The following STK24 variants were observed in gnomAD, a reference collection of about 807,000 sequenced individuals.
The protein encoded by STK24 is serine/threonine kinase 24.
A neutral mutation model predicts 55.6 loss-of-function variants in STK24; 21 were observed. The observed-to-expected ratio is 0.38, with a 90% confidence interval of 0.27 to 0.54. STK24 has a LOEUF of 0.54. STK24 is among the 20% of genes least tolerant of loss of function. The pLI is 0.79. For synonymous variants in STK24, 200 were observed against 215.2 expected, an observed-to-expected ratio of 0.93 and a Z score of 0.62; for missense variants, 383 against 538.4, an observed-to-expected ratio of 0.71 and a Z score of 2.86.
intron 2 of STK24, among the ~76,000 whole-genome samples, chr13:98,509,914 G>A (rs1248649175): frequency 3.3e-5 from 5 of 152,268 alleles, no homozygotes; most frequent in African/African-American, 4.8e-5. Flanking sequence ...ACTGCCTCCT[G>A]CCCAGGATAT....
intron 1 of STK24, chr13:98,576,079 G>A (rs911338937): frequency 3.0e-6 from 3 of 984,702 alleles, no homozygotes; most frequent in African/African-American, 3.5e-5. Context: ...GGCCGGGCCC[G>A]GGACCCTGGT....
At chr13:98,465,610 C>T (rs534027306) in intron 6 of STK24, among the ~76,000 whole-genome samples, 1 of 152,336 alleles carries the variant, frequency 6.6e-6, no homozygotes, top group South Asian at 2.1e-4. Context: ...TGTTGCATTA[C>T]CCATTTAATT....
chr13:98,462,771 C>CG (rs1566346738), intron 7 of STK24, among the ~76,000 whole-genome samples: 1 of 152,192 alleles, frequency 6.6e-6, no homozygotes, highest in African/African-American at 2.4e-5. Flanking sequence ...GACTCACACA[C>CG]GGTTCACCCC....
intron 3 of STK24, among the ~76,000 whole-genome samples, chr13:98,480,339 T>A (rs1318220543): frequency 6.6e-6 from 1 of 152,198 alleles, no homozygotes; most frequent in Non-Finnish European, 1.5e-5. Context: ...GGAAAAAGAA[T>A]CCCTGTAAAC....
intron 1 of STK24, among the ~76,000 whole-genome samples, chr13:98,534,126 G>T (rs1213864535): frequency 2.0e-5 from 3 of 152,180 alleles, no homozygotes; most frequent in Non-Finnish European, 4.4e-5. Flanking sequence ...AAGGCCCATG[G>T]TCACAAAGCT....
At chr13:98,502,076 C>T (rs377671492) in intron 2 of STK24, among the ~76,000 whole-genome samples, 15 of 152,302 alleles carry the variant, frequency 9.8e-5, no homozygotes, top group African/African-American at 3.6e-4. Flanking sequence ...CTTACTCTGC[C>T]CCAACCCTGG....
rs930824997 is a variant in STK24, at chr13:98,449,235, G to A, written c.*3938C>T. 4 of 152,206 alleles carry A rather than the reference G, an allele frequency of 2.6e-5. No individual in the cohort carries two copies. Among genetic ancestry groups the A allele is most frequent in the African/African-American group, 7.2e-5 (3 of 41,420 alleles). 9.4% of individuals were successfully genotyped at this position (152,206 alleles called of 1,614,324 possible). ...TATGAAATCATGGTACGTAGTCCCC[G>A]GCACCTGTCGTTATTCCTATATCCT... On this transcript the variant is annotated 3_prime_UTR_variant, in exon 11 of 11. Coordinates refer to ENST00000539966, the MANE Select transcript of STK24 (RefSeq NM_001032296.4).
At chr13:98,568,805 G>T (rs535627632) in intron 1 of STK24, among the ~76,000 whole-genome samples, 18 of 152,276 alleles carry the variant, frequency 1.2e-4, no homozygotes, top group Admixed American at 2.6e-4. Context: ...GGGGGCAGAT[G>T]TTGCAGTGAA....
intron 10 of STK24, chr13:98,456,632 A>G: frequency 2.2e-6 from 1 of 457,016 alleles, no homozygotes; most frequent in South Asian, 1.6e-5. Context: ...TAGTGCATTC[A>G]ACAGGTGGGG....
chr13:98,512,702 G>A (rs1290867993), intron 2 of STK24, among the ~76,000 whole-genome samples: 1 of 139,826 alleles, frequency 7.2e-6, no homozygotes, highest in South Asian at 2.2e-4. Flanking sequence ...GTCATTATCA[G>A]TTTGCTACAA....
At chr13:98,553,049 C>G (rs1897194895) in intron 1 of STK24, among the ~76,000 whole-genome samples, 1 of 152,064 alleles carries the variant, frequency 6.6e-6, no homozygotes, top group Admixed American at 6.5e-5. Flanking sequence ...GGGGAGACCC[C>G]GTGGGTGTGG....
At chr13:98,486,207 A>T (rs1894801206) in intron 2 of STK24, among the ~76,000 whole-genome samples, 1 of 79,356 alleles carries the variant, frequency 1.3e-5, no homozygotes, top group Non-Finnish European at 3.3e-5. Context: ...AAAGTATTAA[A>T]AAAAAAAAAA....
chr13:98,502,840 T>C (rs1895527344), intron 2 of STK24, among the ~76,000 whole-genome samples: 2 of 152,050 alleles, frequency 1.3e-5, no homozygotes, highest in Admixed American at 1.3e-4. Context: ...ACACAAAATA[T>C]GCTACTAGAG....
Position 98,453,134 on chromosome 13 carries a change from G to A in STK24, c.*39C>T. On this transcript the variant is annotated 3_prime_UTR_variant, in exon 11 of 11. Coordinates refer to ENST00000539966, the MANE Select transcript of STK24 (RefSeq NM_001032296.4). ...TTAAAAAAGGAGGAGGATGAAGAAG[G>A]AAAAAAGGAAAAACAAAACCCCAAA... 1 of 1,610,454 alleles carries A rather than the reference G, an allele frequency of 6.2e-7. No homozygotes were observed. The highest frequency in any genetic ancestry group is 8.5e-7 in the Non-Finnish European group (1 of 1,177,806).
chr13:98,487,286 G>A (rs1176815046), intron 2 of STK24, among the ~76,000 whole-genome samples: 7 of 152,050 alleles, frequency 4.6e-5, no homozygotes, highest in Non-Finnish European at 7.4e-5. Context: ...AAACCAGCAG[G>A]CTTCTCAACA....
intron 1 of STK24, among the ~76,000 whole-genome samples, chr13:98,568,562 C>T (rs1211331919): frequency 6.6e-6 from 1 of 152,108 alleles, no homozygotes; most frequent in Non-Finnish European, 1.5e-5. Context: ...GCAGAGGCAG[C>T]ATACTTAAAA....
At chr13:98,551,074 C>G (rs1897148664) in intron 1 of STK24, among the ~76,000 whole-genome samples, 1 of 152,052 alleles carries the variant, frequency 6.6e-6, no homozygotes, top group Admixed American at 6.6e-5. Flanking sequence ...ATCACAAGGT[C>G]AGGAGATCGA....
In STK24 at chr13:98,446,163, G is replaced by C. The variant is rs141304303; in HGVS notation, c.*7010C>G. The C allele has an allele frequency of 1.1e-5, 18 of 1,614,006 alleles. No homozygotes were observed. The African/African-American group carries it at 2.3e-4, about 20-fold the overall frequency. Reference sequence around the variant, plus strand: ...GCAACGGGTGGCAGAAGCTGTGGGTGGTGTTCACAAACTTCTGCCTGTTCT... The same window carrying C: ...GCAACGGGTGGCAGAAGCTGTGGGTCGTGTTCACAAACTTCTGCCTGTTCT... On this transcript the variant is annotated 3_prime_UTR_variant, in exon 11 of 11. Transcript: ENST00000539966.
intron 6 of STK24, among the ~76,000 whole-genome samples, chr13:98,465,430 C>G (rs1445095890): frequency 6.6e-6 from 1 of 152,216 alleles, no homozygotes; most frequent in Non-Finnish European, 1.5e-5. Context: ...CATGCCTGCA[C>G]ACATCTCCAC....
Sources: allele counts gnomAD v4.1 joint callset (sites outside exome capture counted in the v4.1 genomes callset), GRCh38; gene constraint gnomAD v4.1.1; transcripts MANE v1.5; gene names NCBI Gene and HGNC (gene_info 2026-07-23, HGNC 2026-07-21).